The following PLD6 variants were observed in gnomAD, a reference collection of about 807,000 sequenced individuals.
PLD6 encodes the protein mitochondrial cardiolipin hydrolase.
A neutral mutation model predicts 9.7 loss-of-function variants in PLD6; 10 were observed. That is an observed-to-expected ratio of 1.03 (90% CI 0.64 to 1.75). PLD6 has a LOEUF of 1.75. Ranked by LOEUF, PLD6 falls within the 40% of genes most tolerant of loss-of-function variation. PLD6 has a pLI of 0.00. For synonymous variants in PLD6, 152 were observed against 159.2 expected, an observed-to-expected ratio of 0.96 and a Z score of 0.34; for missense variants, 334 against 347.6, an observed-to-expected ratio of 0.96 and a Z score of 0.31.
chr17:17,206,286 TGCCGCCGCTAATCCGGGACCCACAGCCAC>T lies in PLD6; in HGVS notation c.-29_-1del. ...GCCACCTGCCAACTCAACCGTCCCA[TGCCGCCGCTAATCCGGGACCCACAGCCAC>T]GCCGCCGCAGCGGAGTCTGCGCGCC... On this transcript the variant is annotated 5_prime_UTR_variant, in exon 1 of 2. Transcript: ENST00000321560. 6.5e-7 allele frequency: 1 copy of T among 1,530,256 alleles called. No individual in the cohort carries two copies. The allele number at this position is 1,530,256 out of a possible 1,614,324, so 94.8% of individuals were successfully genotyped here. A position where few individuals can be genotyped will look rare whatever the true frequency, so the allele number is the denominator to read the frequency against.
intron 1 of PLD6, among the ~76,000 whole-genome samples, chr17:17,203,392 T>G (rs1195879370): frequency 6.6e-6 from 1 of 152,210 alleles, no homozygotes; most frequent in Non-Finnish European, 1.5e-5. Flanking sequence ...CCTTCGGGGT[T>G]ACTGCTTGCT....
In PLD6 at chr17:17,206,011, G is replaced by A. The variant is rs534298700; in HGVS notation, c.276C>T (p.Ala92=). The A allele has an allele frequency of 6.1e-5, 94 of 1,545,322 alleles. No homozygotes were observed. In the East Asian group the frequency reaches 2.1e-3, roughly 35 times the overall value. Residue 92 remains alanine, a synonymous_variant, in exon 1 of 2, where the codon GCC becomes GCT. Coordinates refer to ENST00000321560, the MANE Select transcript of PLD6 (RefSeq NM_178836.4). The part of the protein sequence containing the change: ...RLLRALLAAR[A]SLDLCLFAFS... The stretch of plus-strand genomic sequence containing the variant: ...AGGCGAACAGGCAGAGATCCAGGCT[G>A]GCGCGGGCGGCCAGCAGGGCACGCA...
chr17:17,205,856 C>T lies in PLD6; in HGVS notation c.427+4G>A. On this transcript the variant is annotated splice_donor_region_variant and intron_variant, in intron 1 of 1. Coordinates refer to ENST00000321560, the MANE Select transcript of PLD6 (RefSeq NM_178836.4). ...CTTCTCCGCTTGGACCCCGCCGGGCCTACCTGCCTTGCGCAGCAGACCGAT... is the reference window on the plus strand; with the variant it reads ...CTTCTCCGCTTGGACCCCGCCGGGCTTACCTGCCTTGCGCAGCAGACCGAT... The T allele has an allele frequency of 6.4e-7, 1 of 1,563,760 alleles. No individual in the cohort carries two copies. Among genetic ancestry groups the T allele is most frequent in the Non-Finnish European group, 8.7e-7 (1 of 1,155,452 alleles).
chr17:17,203,580 G>A (rs2046692437), intron 1 of PLD6, among the ~76,000 whole-genome samples: 1 of 90,454 alleles, frequency 1.1e-5, no homozygotes, highest in Non-Finnish European at 2.2e-5. Context: ...AGGCAGGAAG[G>A]GCCCTAACTA....
At position 17,201,804 on chromosome 17, in the gene PLD6, AC is replaced by A. The variant is rs1330697502; in HGVS notation, c.*962del. 2 of 151,792 alleles carry A rather than the reference AC, an allele frequency of 1.3e-5. No homozygotes were observed. The highest frequency in any genetic ancestry group is 4.8e-5 in the African/African-American group (2 of 41,290). The allele number at this position is 151,792 out of a possible 1,614,324, so 9.4% of individuals were successfully genotyped here. ...AGACCAGCCTAACCAACATGGTGAA[AC>A]CCTGTCTCTACTAAAAATACCAAAA... On this transcript the variant is annotated 3_prime_UTR_variant, in exon 2 of 2. Coordinates refer to ENST00000321560, the MANE Select transcript of PLD6 (RefSeq NM_178836.4).
In PLD6 at chr17:17,205,327, C is replaced by T. The variant is rs543325302; in HGVS notation, c.427+533G>A. Among the ~76,000 whole-genome samples the T allele has an allele frequency of 2.0e-5, 3 of 152,326 alleles. No homozygotes were observed. In the East Asian group the frequency reaches 5.8e-4, roughly 29 times the overall value. On this transcript the variant is annotated intron_variant, in intron 1 of 1. Transcript: ENST00000321560. ...TGCTTTCTAGAACATGTTCAGGTCT[C>T]CCAGAGCCCAGTGGCCTGAGATTCA...
At position 17,202,846 on chromosome 17, in the gene PLD6, G is replaced by A. The variant is rs1357502082; in HGVS notation, c.680C>T (p.Ala227Val). Reference sequence around the variant, plus strand: ...CCCTCCAGCTCTGGAGACAGGTGGGGCACAGCTTCCGTGACTTTTCTTTGG... The same window carrying A: ...CCCTCCAGCTCTGGAGACAGGTGGGACACAGCTTCCGTGACTTTTCTTTGG... ...FPPKKSHGSC[A>V]PPVSRAGGRL... The change falls in exon 2 of 2, where the codon GCC becomes GTC. Residue 227 changes from alanine to valine, a missense_variant. Coordinates refer to ENST00000321560, the MANE Select transcript of PLD6 (RefSeq NM_178836.4). 6.2e-7 allele frequency: 1 copy of A among 1,614,186 alleles called. No individual in the cohort carries two copies. The highest frequency in any genetic ancestry group is 8.5e-7 in the Non-Finnish European group (1 of 1,180,030).
rs1054950429 is a variant in PLD6, at chr17:17,203,139, C to T, written c.428-41G>A. 5.7e-6 allele frequency: 9 copies of T among 1,581,718 alleles called. No individual in the cohort carries two copies. The African/African-American group carries it at 1.1e-4, about 19-fold the overall frequency. On this transcript the variant is annotated intron_variant, in intron 1 of 1. Coordinates refer to ENST00000321560, the MANE Select transcript of PLD6 (RefSeq NM_178836.4). ...GGTGATTTCATTCCATGCAGGAGTC[C>T]CGCCCCCAGTGTGGACTGTTCCTGG... is the stretch of plus-strand genomic sequence containing the variant.
intron 1 of PLD6, among the ~76,000 whole-genome samples, chr17:17,204,947 C>T (rs1009228146): frequency 1.3e-5 from 2 of 152,168 alleles, no homozygotes; most frequent in Non-Finnish European, 2.9e-5. Flanking sequence ...AACAGCGCGG[C>T]GGTGACCACT....
intron 1 of PLD6, 129 bp from the exon 2 acceptor site, chr17:17,203,227 C>G: frequency 1.0e-6 from 1 of 981,408 alleles, no homozygotes; most frequent in Admixed American, 2.7e-5. Context: ...CATGCTTTCA[C>G]AGAGTGGTGG....
rs1191560002 is a variant in PLD6, at chr17:17,206,162, AGC to A, written c.123_124del (p.Leu42ValfsTer161). On this transcript the variant is annotated frameshift_variant, in exon 1 of 2. Coordinates refer to ENST00000321560, the MANE Select transcript of PLD6 (RefSeq NM_178836.4). LOFTEE classifies it high-confidence loss of function. ...ACAGGTCACCTGAGACGGGAAGAAC[AGC>A]GCCTCGCGCCGCGGCCGCCGCCGCC... 3 of 1,504,954 alleles carry A rather than the reference AGC, an allele frequency of 2.0e-6. No individual in the cohort carries two copies. Among genetic ancestry groups the A allele is most frequent in the Non-Finnish European group, 2.6e-6 (3 of 1,134,136 alleles). 93.2% of individuals were successfully genotyped at this position (1,504,954 alleles called of 1,614,324 possible). A position where few individuals can be genotyped will look rare whatever the true frequency, so the allele number is the denominator to read the frequency against.
intron 1 of PLD6, among the ~76,000 whole-genome samples, chr17:17,205,444 A>G (rs1396361044): frequency 6.6e-6 from 1 of 152,134 alleles, no homozygotes; most frequent in Admixed American, 6.5e-5. Context: ...ACCAGGATCC[A>G]GGTTACCAGA....
chr17:17,204,236 C>T (rs571839331), intron 1 of PLD6, among the ~76,000 whole-genome samples: 2 of 152,342 alleles, frequency 1.3e-5, no homozygotes, highest in South Asian at 4.1e-4. Context: ...GGAAGTCAGT[C>T]TGTGACCCAG....
rs772007129 is a variant in PLD6 at position 17,202,793 on chromosome 17, C to T, written c.733G>A (p.Gly245Ser). The T allele has an allele frequency of 8.1e-6, 13 of 1,613,710 alleles. No homozygotes were observed. Among genetic ancestry groups the T allele is most frequent in the Admixed American group, 5.0e-5 (3 of 59,992 alleles). The change falls in exon 2 of 2, where the codon GGC becomes AGC. Residue 245 changes from glycine (G) to serine (S), a missense_variant. Transcript: ENST00000321560. ...GRLLSWHRTC[G>S]TSSESQT ...TAGGTTTGGCTTTCGCTGGAGGTGC[C>T]GCAAGTTCTGTGCCATGAAAGCAAT...
In PLD6 at chr17:17,206,056, C is replaced by G. The variant is rs1413618086; in HGVS notation, c.231G>C (p.Glu77Asp). 6.5e-7 allele frequency: 1 copy of G among 1,527,106 alleles called. No homozygotes were observed. The highest frequency in any genetic ancestry group is 8.8e-7 in the Non-Finnish European group (1 of 1,142,166). The allele number at this position is 1,527,106 out of a possible 1,614,324, so 94.6% of individuals were successfully genotyped here. A position where few individuals can be genotyped will look rare whatever the true frequency, so the allele number is the denominator to read the frequency against. The change falls in exon 1 of 2, where the codon GAG becomes GAC. Residue 77 changes from glutamate to aspartate, a missense_variant. Transcript: ENST00000321560. ...CACGCAGCAGGCGGCTTAGCGCGCT[C>G]TCGCCGTGGGGCAGGCCGCACGGGC... Reference protein sequence around the residue: ...EGCPCGLPHGESALSRLLRAL... With the variant: ...EGCPCGLPHGDSALSRLLRAL...
At position 17,203,028 on chromosome 17, in the gene PLD6, C is replaced by A; in HGVS notation, c.498G>T (p.Val166=). The A allele has an allele frequency of 6.2e-7, 1 of 1,614,238 alleles. No homozygotes were observed. The highest frequency in any genetic ancestry group is 8.5e-7 in the Non-Finnish European group (1 of 1,180,048). Reference sequence around the variant, plus strand: ...TCCAGTTGAGCGAGCCAGTGATGAGCACCCTCTTGTCCACGATGGCAAACT... The same window carrying A: ...TCCAGTTGAGCGAGCCAGTGATGAGAACCCTCTTGTCCACGATGGCAAACT... ...HHKFAIVDKR[V]LITGSLNWTT... is the part of the protein sequence containing the mutation. Residue 166 remains valine, a synonymous_variant, in exon 2 of 2, where the codon GTG becomes GTT. Coordinates refer to ENST00000321560, the MANE Select transcript of PLD6 (RefSeq NM_178836.4).
intron 1 of PLD6, among the ~76,000 whole-genome samples, chr17:17,203,528 C>CTT (rs965578837): frequency 6.6e-6 from 1 of 152,234 alleles, no homozygotes; most frequent in African/African-American, 2.4e-5. Flanking sequence ...GCCCCGGCGT[C>CTT]TGAGAGCAGA....
At position 17,206,214 on chromosome 17, in the gene PLD6, A is replaced by G; in HGVS notation, c.73T>C (p.Trp25Arg). The change falls in exon 1 of 2, where the codon TGG becomes CGG. Residue 25 changes from tryptophan to arginine, a missense_variant. Physicochemically the swap from Trp to Arg is moderately radical, Grantham distance 101 (BLOSUM62 -3). Transcript: ENST00000321560. ...CTGGACCGCAGCCAGCGCAGCACCC[A>G]AGGCAGCGCCTCCAGAGTCAGAGCC... ...GLALTLEALPWVLRWLRSRRR... is the reference protein window; with the variant it reads ...GLALTLEALPRVLRWLRSRRR... The G allele has an allele frequency of 1.3e-6, 2 of 1,538,014 alleles. No individual in the cohort carries two copies. The highest frequency in any genetic ancestry group is 8.7e-7 in the Non-Finnish European group (1 of 1,152,412).
Position 17,202,114 on chromosome 17 carries a change from C to T in PLD6, c.*653G>A, listed in dbSNP as rs2046679324. 1 of 153,196 alleles carries T rather than the reference C, an allele frequency of 6.5e-6. No individual in the cohort carries two copies. The highest frequency in any genetic ancestry group is 2.4e-5 in the African/African-American group (1 of 41,472). 9.5% of individuals were successfully genotyped at this position (153,196 alleles called of 1,614,324 possible). On this transcript the variant is annotated 3_prime_UTR_variant, in exon 2 of 2. Transcript: ENST00000321560. The stretch of plus-strand genomic sequence containing the variant: ...AAGGACAGGCTGCTGAAGAGCTTGG[C>T]ACTGGCGTGCATACTGGTTTTAAAG...
Sources: allele counts gnomAD v4.1 joint callset (sites outside exome capture counted in the v4.1 genomes callset), GRCh38; gene constraint gnomAD v4.1.1; transcripts MANE v1.5; gene names NCBI Gene and HGNC (gene_info 2026-07-23, HGNC 2026-07-21).